KIF1C: variants seen among roughly 807,000 people sequenced by gnomAD.
KIF1C encodes the protein kinesin family member 1C.
In KIF1C, 61 loss-of-function variants were observed where a neutral mutation model predicts 126.5. That is an observed-to-expected ratio of 0.48 (90% CI 0.39 to 0.60). KIF1C has a LOEUF of 0.60. Ranked by LOEUF, KIF1C falls within the 20% of genes least tolerant of loss-of-function variation. The pLI is 0.00. For missense variants in KIF1C, 1,315 were observed against 1,489.2 expected (o/e 0.88, Z 1.93); for synonymous variants, 640 against 580.6 (o/e 1.10, Z -1.47).
Position 5,000,826 on chromosome 17 carries a change from ACTC to A in KIF1C, c.164_166del (p.Ser55del). On this transcript the variant is annotated inframe_deletion, in exon 4 of 23. Coordinates refer to ENST00000320785, the MANE Select transcript of KIF1C (RefSeq NM_006612.6). ...GCCCCCAAAAGCTTCACCTTTGACT[ACTC>A]CTACTGGTCACACACTTCGGTGGGT... The A allele has an allele frequency of 1.2e-6, 2 of 1,613,606 alleles. No homozygotes were observed. The highest frequency in any genetic ancestry group is 8.5e-7 in the Non-Finnish European group (1 of 1,179,860).
Position 5,003,631 on chromosome 17 carries a change from T to C in KIF1C, c.740T>C (p.Val247Ala). ...CCCCAGGTCAGTAAGATCAGTTTGGTGGACCTTGCTGGGAGTGAGCGAGCC... is the reference window on the plus strand; with the variant it reads ...CCCCAGGTCAGTAAGATCAGTTTGGCGGACCTTGCTGGGAGTGAGCGAGCC... ...DSEKVSKISL[V>A]DLAGSERADS... Residue 247 changes from valine to alanine, a missense_variant, in exon 9 of 23, where the codon GTG (valine) becomes GCG (alanine). This residue lies in a region of KIF1C where 874 missense variants were observed against 1,053.2 expected (regional missense o/e 0.83). Transcript: ENST00000320785. 6.2e-7 allele frequency: 1 copy of C among 1,613,526 alleles called. No individual in the cohort carries two copies.
chr17:5,005,231 G>T (rs1196585968), intron 13 of KIF1C, among the ~76,000 whole-genome samples: 1 of 152,232 alleles, frequency 6.6e-6, no homozygotes, highest in South Asian at 2.1e-4. Flanking sequence ...GACCTGTCAG[G>T]CTCCTGGAAG....
rs1273386393 is a variant in KIF1C, at chr17:5,004,936, G to A, written c.1101G>A (p.Gln367=). The A allele has an allele frequency of 6.2e-7, 1 of 1,614,246 alleles. No individual in the cohort carries two copies. Among genetic ancestry groups the A allele is most frequent in the Admixed American group, 1.7e-5 (1 of 60,034 alleles). Residue 367 remains glutamine (Q), a synonymous_variant, in exon 13 of 23, where the codon CAG becomes CAA. Coordinates refer to ENST00000320785, the MANE Select transcript of KIF1C (RefSeq NM_006612.6). The part of the protein sequence containing the change: ...DPNARLIREL[Q]EEVARLRELL... ...ATGCCCGGCTGATTAGAGAGCTGCA[G>A]GAGGAAGTAGCCCGGCTGCGGGAAC...
intron 16 of KIF1C, 113 bp downstream of exon 16, chr17:5,007,655 G>C: frequency 1.3e-6 from 1 of 769,638 alleles, no homozygotes; most frequent in South Asian, 2.5e-5. Context: ...GAGGTCCCCG[G>C]CTTGTCCCTC....
intron 8 of KIF1C, 103 bp from the exon 9 acceptor site, chr17:5,003,509 C>T: frequency 2.6e-6 from 2 of 762,582 alleles, no homozygotes; most frequent in Non-Finnish European, 4.4e-6. Flanking sequence ...CTGGCTCTCT[C>T]TAGCCCTTGC....
chr17:5,000,384 A>G, intron 3 of KIF1C, 32 bp downstream of exon 3: 1 of 1,428,376 alleles, frequency 7.0e-7, no homozygotes, highest in Non-Finnish European at 9.7e-7. Flanking sequence ...GGCTGGGCAC[A>G]GGCAGGGAAG....
In KIF1C at chr17:5,022,254, G is replaced by T. The variant is rs993547611; in HGVS notation, c.2173G>T (p.Val725Phe). 1.2e-6 allele frequency: 2 copies of T among 1,614,060 alleles called. No individual in the cohort carries two copies. Among genetic ancestry groups the T allele is most frequent in the African/African-American group, 1.3e-5 (1 of 74,952 alleles). The change falls in exon 22 of 23, where the codon GTT becomes TTT. Residue 725 changes from valine (V) to phenylalanine (F), a missense_variant. This residue lies in a region of KIF1C where 874 missense variants were observed against 1,053.2 expected (regional missense o/e 0.83). Transcript: ENST00000320785. The surrounding 1 kb of genome is among the most constrained non-coding windows in gnomAD (Gnocchi z 4.9). ...TGGCAAGCGCAGGGCCCCTCGCAGGGTTTATCAGATCCCCCAGCGACGCAG... is the reference window on the plus strand; with the variant it reads ...TGGCAAGCGCAGGGCCCCTCGCAGGTTTTATCAGATCCCCCAGCGACGCAG... Reference protein sequence around the residue: ...SSGKRRAPRRVYQIPQRRRLQ... With the variant: ...SSGKRRAPRRFYQIPQRRRLQ...
chr17:5,004,567 G>C lies in KIF1C; in HGVS notation c.941G>C (p.Gly314Ala), dbSNP rs758685066. 6.8e-6 allele frequency: 11 copies of C among 1,613,974 alleles called. No individual in the cohort carries two copies. In the Admixed American group the frequency reaches 1.0e-4, roughly 15 times the overall value. Residue 314 changes from glycine (G) to alanine (A), a missense_variant and splice_region_variant, in exon 12 of 23, where the codon GGG (glycine) becomes GCG (alanine). Physicochemically the swap from Gly to Ala is moderately conservative, Grantham distance 60. Around this residue, in one of 2 missense-constraint regions of KIF1C, gnomAD observed 874 missense variants for 1,053.2 expected, o/e 0.83. Transcript: ENST00000320785. ...GCTTTTCCATGCACTCCATTCACAG[G>C]GGGGAACTCACGCACAGCCATGATT... ...VLTWLLKENL[G>A]GNSRTAMIAA... is the part of the protein sequence containing the mutation.
At chr17:5,014,402 C>T in intron 17 of KIF1C, 1 of 257,252 alleles carries the variant, frequency 3.9e-6, no homozygotes, top group Non-Finnish European at 7.6e-6. Flanking sequence ...TTGGTGCCTC[C>T]CTTCCCTGGT....
At chr17:5,009,111 A>AG (rs1333268498) in intron 16 of KIF1C, among the ~76,000 whole-genome samples, 1 of 150,526 alleles carries the variant, frequency 6.6e-6, no homozygotes, top group African/African-American at 2.5e-5. Context: ...ATTTTGTTAT[A>AG]GAAAAAAAAA....
At chr17:5,004,104 C>G (rs777496011) in intron 11 of KIF1C, 31 bp downstream of exon 11, 1 of 1,414,974 alleles carries the variant, frequency 7.1e-7, no homozygotes, top group Admixed American at 1.7e-5. Context: ...CTCTGCCGAC[C>G]CTGACACATC....
At chr17:5,000,175 C>A in intron 2 of KIF1C, 45 bp from the exon 3 acceptor site, 1 of 1,082,746 alleles carries the variant, frequency 9.2e-7, no homozygotes, top group South Asian at 1.4e-5. Context: ...ATGTCTGGGT[C>A]CCTGCAGTGG....
chr17:5,018,041 C>G (rs1273210912), intron 18 of KIF1C, among the ~76,000 whole-genome samples: 1 of 152,044 alleles, frequency 6.6e-6, no homozygotes, highest in Non-Finnish European at 1.5e-5. Flanking sequence ...AGTGCAGTGG[C>G]ATGATCATGG....
chr17:5,001,325 A>G lies in KIF1C; in HGVS notation c.287A>G (p.Tyr96Cys). 6.2e-7 allele frequency: 1 copy of G among 1,614,124 alleles called. No homozygotes were observed. The highest frequency in any genetic ancestry group is 8.5e-7 in the Non-Finnish European group (1 of 1,179,974). ...FEGYNVCIFA[Y>C]GQTGAGKSYT... ...GGCTACAACGTGTGCATCTTTGCCT[A>G]TGGGCAGACCGGGGCTGGGAAATCC... is the stretch of plus-strand genomic sequence containing the variant. The change falls in exon 5 of 23, where the codon TAT becomes TGT. Residue 96 changes from tyrosine (Y) to cysteine (C), a missense_variant. Tyr to Cys is a radical substitution (Grantham distance 194). Around this residue, in one of 2 missense-constraint regions of KIF1C, gnomAD observed 874 missense variants for 1,053.2 expected, o/e 0.83. Coordinates refer to ENST00000320785, the MANE Select transcript of KIF1C (RefSeq NM_006612.6).
chr17:5,013,562 C>G, intron 16 of KIF1C, 91 bp from the exon 17 acceptor site: 1 of 872,446 alleles, frequency 1.1e-6, no homozygotes, highest in East Asian at 2.5e-5. Context: ...AGTGCCAGGA[C>G]TGGAGGGGTG....
In KIF1C at chr17:5,020,200, G is replaced by T; in HGVS notation, c.1750+121G>T. On this transcript the variant is annotated intron_variant, in intron 19 of 22. Transcript: ENST00000320785. The surrounding 1 kb of genome is among the most constrained non-coding windows in gnomAD (Gnocchi z 5.8). ...TGAAATACATCAGAAATAGCACGGGGATATAAAGAAGGAACTGGGAAGTGA... is the reference window on the plus strand; with the variant it reads ...TGAAATACATCAGAAATAGCACGGGTATATAAAGAAGGAACTGGGAAGTGA... The T allele has an allele frequency of 1.2e-6, 1 of 800,902 alleles. No individual in the cohort carries two copies. Among genetic ancestry groups the T allele is most frequent in the South Asian group, 1.5e-5 (1 of 66,464 alleles). 49.6% of individuals were successfully genotyped at this position (800,902 alleles called of 1,614,324 possible).
intron 18 of KIF1C, among the ~76,000 whole-genome samples, chr17:5,018,074 G>C (rs533189304): frequency 6.6e-6 from 1 of 151,912 alleles, no homozygotes; most frequent in South Asian, 2.1e-4. Context: ...TCAACCTCCC[G>C]GGTTAAAGTG....
Position 5,007,091 on chromosome 17 carries a change from A to C in KIF1C, c.1335+7A>C. 6.3e-7 allele frequency: 1 copy of C among 1,582,612 alleles called. No individual in the cohort carries two copies. On this transcript the variant is annotated splice_region_variant and intron_variant, in intron 14 of 22. Transcript: ENST00000320785. ...AGCCATGGAGAGGCTGCAGGTGGGA[A>C]GCTGGAGCTGGCAAGGGCTGGGGGT...
Position 5,002,559 on chromosome 17 carries a change from C to T in KIF1C, c.525C>T (p.Gly175=), listed in dbSNP as rs774975990. 9.3e-6 allele frequency: 15 copies of T among 1,614,000 alleles called. No homozygotes were observed. The highest frequency in any genetic ancestry group is 8.5e-7 in the Non-Finnish European group (1 of 1,179,986). Residue 175 remains glycine (G), a synonymous_variant, in exon 7 of 23, where the codon GGC becomes GGT. Coordinates refer to ENST00000320785, the MANE Select transcript of KIF1C (RefSeq NM_006612.6). ...SLRVREHPIL[G]PYVQDLSKLA... ...GGGTCCGGGAGCACCCCATCCTGGG[C>T]CCGTACGTGCAGGACCTGTCCAAAT...
Sources: allele counts gnomAD v4.1 joint callset (sites outside exome capture counted in the v4.1 genomes callset), GRCh38; gene constraint gnomAD v4.1.1; regional missense constraint gnomAD v4.1.1; non-coding constraint Gnocchi (gnomAD v3.1); transcripts MANE v1.5; gene names NCBI Gene and HGNC (gene_info 2026-07-23, HGNC 2026-07-21).